Variants in PITPNM2 observed in about 807,000 individuals in gnomAD.
PITPNM2 encodes membrane-associated phosphatidylinositol transfer protein 2.
In PITPNM2, 35 loss-of-function variants were observed where a neutral mutation model predicts 132.2. The observed-to-expected ratio is 0.26, with a 90% CI of 0.20 to 0.35. The LOEUF is 0.35. Ranked by LOEUF, PITPNM2 falls within the 10% of genes least tolerant of loss-of-function variation. The probability of loss-of-function intolerance (pLI) is 1.00; values close to 1 mark genes in which losing one functional copy is unlikely to be tolerated. For missense variants in PITPNM2, 1,332 were observed against 1,912.0 expected (o/e 0.70, Z 5.66); for synonymous variants, 738 against 799.2 (o/e 0.92, Z 1.29).
chr12:123,143,108 C>A (rs898813931), intron 1 of PITPNM2, among the ~76,000 whole-genome samples: 1 of 151,864 alleles, frequency 6.6e-6, no homozygotes, highest in Non-Finnish European at 1.5e-5. Flanking sequence ...CCCTGACACA[C>A]CCATCCCTAT....
rs1044577973 is a variant in PITPNM2, at chr12:123,097,319, A to C, written c.-96+13066T>G. On this transcript the variant is annotated intron_variant, in intron 2 of 25. Transcript: ENST00000320201. The surrounding 1 kb of genome is among the most constrained non-coding windows in gnomAD (Gnocchi z 4.7). Reference sequence around the variant, plus strand: ...TGGCCTCCCAAAGTGCTGGGATTACAGGCATGAGCCACCGCGCCCGGCCTG... The same window carrying C: ...TGGCCTCCCAAAGTGCTGGGATTACCGGCATGAGCCACCGCGCCCGGCCTG... 1.1e-4 allele frequency among the ~76,000 whole-genome samples: 17 copies of C among 152,322 alleles called. No individual in the cohort carries two copies. The highest frequency in any genetic ancestry group is 4.1e-4 in the African/African-American group (17 of 41,574).
chr12:123,114,161 A>G (rs554032726), intron 1 of PITPNM2, among the ~76,000 whole-genome samples: 4 of 152,256 alleles, frequency 2.6e-5, no homozygotes, highest in South Asian at 4.2e-4. Context: ...ACATCGCTGT[A>G]CAAATTTTTG....
In PITPNM2 at chr12:123,130,563, G is replaced by A. The variant is rs544466686; in HGVS notation, c.-199-20075C>T. Among the ~76,000 whole-genome samples, 19 of 152,192 alleles carry A rather than the reference G, an allele frequency of 1.2e-4. No individual in the cohort carries two copies. The South Asian group carries it at 2.5e-3, about 20-fold the overall frequency. ...TGGGAGGCCGAGGCGGGCGGATCAC[G>A]AGGTCAGGAGATCAAGACCATCCTG... On this transcript the variant is annotated intron_variant, in intron 1 of 25. Transcript: ENST00000320201.
intron 2 of PITPNM2, among the ~76,000 whole-genome samples, chr12:123,053,815 G>C (rs1024127442): frequency 6.6e-6 from 1 of 151,834 alleles, no homozygotes; most frequent in African/African-American, 2.4e-5. Flanking sequence ...TGATCTGCCC[G>C]CCTCAGCCTC....
At chr12:123,067,924 C>T (rs1015355416) in intron 2 of PITPNM2, among the ~76,000 whole-genome samples, 82 of 152,286 alleles carry the variant, frequency 5.4e-4, no homozygotes, top group African/African-American at 1.9e-3. Context: ...CTGGGCAGGA[C>T]TGAGGCAGCC....
At chr12:122,995,894 C>G (rs1213128284) in intron 13 of PITPNM2, among the ~76,000 whole-genome samples, 1 of 152,206 alleles carries the variant, frequency 6.6e-6, no homozygotes, top group African/African-American at 2.4e-5. Context: ...GGCAGGGAAG[C>G]AGAGAGGGGT....
intron 1 of PITPNM2, among the ~76,000 whole-genome samples, chr12:123,134,135 G>T (rs1475542961): frequency 6.6e-6 from 1 of 152,030 alleles, no homozygotes; most frequent in Non-Finnish European, 1.5e-5. Flanking sequence ...GCGTGATCTT[G>T]GCTCACTGCA....
chr12:123,051,252 C>T (rs535178899), intron 2 of PITPNM2, among the ~76,000 whole-genome samples: 3 of 152,338 alleles, frequency 2.0e-5, no homozygotes, highest in African/African-American at 7.2e-5. Context: ...AGCCACTTGA[C>T]TGGCTGGGCT....
Position 123,099,097 on chromosome 12 carries a change from G to C in PITPNM2, c.-96+11288C>G, listed in dbSNP as rs541093311. Among the ~76,000 whole-genome samples the C allele has an allele frequency of 6.6e-6, 1 of 152,120 alleles. No individual in the cohort carries two copies. The highest frequency in any genetic ancestry group is 1.9e-4 in the East Asian group (1 of 5,184). On this transcript the variant is annotated intron_variant, in intron 2 of 25. Transcript: ENST00000320201. The surrounding 1 kb of genome is among the most constrained non-coding windows in gnomAD (Gnocchi z 4.2). ...GTGCATGTGCTATGCATTCTAACAT[G>C]TGTCTATACCCCCATCCCAGGGGCT...
intron 2 of PITPNM2, among the ~76,000 whole-genome samples, chr12:123,047,365 TGATCTAGGAA>T (rs1566265886): frequency 6.6e-6 from 1 of 152,228 alleles, no homozygotes; most frequent in East Asian, 1.9e-4. Flanking sequence ...TGTTCTTAAA[TGATCTAGGAA>T]ATAAAGGTTG....
chr12:122,989,730 G>C, intron 18 of PITPNM2, 57 bp downstream of exon 18: 3 of 1,328,944 alleles, frequency 2.3e-6, no homozygotes, highest in Non-Finnish European at 2.9e-6. Context: ...GCCTGGCAGT[G>C]AGGGGTGCTC....
chr12:123,139,041 G>A (rs940359391), intron 1 of PITPNM2, among the ~76,000 whole-genome samples: 18 of 152,140 alleles, frequency 1.2e-4, no homozygotes, highest in African/African-American at 3.1e-4. Context: ...GGGAGGCTGA[G>A]GCAGGAGGAT....
In PITPNM2 at chr12:122,988,367, G is replaced by T; in HGVS notation, c.2881-17C>A. 6.2e-7 allele frequency: 1 copy of T among 1,607,898 alleles called. No individual in the cohort carries two copies. ...CCTCATGACCTGGGAAGAGGGGACA[G>T]TGCAGGCTGTGGGGCAGATGCCACC... On this transcript the variant is annotated splice_polypyrimidine_tract_variant and intron_variant, in intron 19 of 25. Coordinates refer to ENST00000320201, the MANE Select transcript of PITPNM2 (RefSeq NM_020845.3).
At chr12:122,997,009 G>T in intron 11 of PITPNM2, 99 bp from the exon 12 acceptor site, 2 of 1,213,818 alleles carry the variant, frequency 1.6e-6, no homozygotes, top group Non-Finnish European at 2.3e-6. Context: ...CTCAGCATAC[G>T]CTAGTGAGGA....
intron 3 of PITPNM2, among the ~76,000 whole-genome samples, chr12:123,021,155 G>A (rs750002404): frequency 8.6e-5 from 13 of 151,370 alleles, no homozygotes; most frequent in East Asian, 3.9e-4. Flanking sequence ...ATGCCCCTGC[G>A]CAGCCACCCA....
At chr12:123,120,069 C>A (rs2043006990) in intron 1 of PITPNM2, among the ~76,000 whole-genome samples, 1 of 152,178 alleles carries the variant, frequency 6.6e-6, no homozygotes, top group South Asian at 2.1e-4. Flanking sequence ...GGTTTTGCTG[C>A]ATAGCCGACA....
At position 123,117,351 on chromosome 12, in the gene PITPNM2, C is replaced by CTCTA. The variant is rs10641848; in HGVS notation, c.-199-6867_-199-6864dup. Among the ~76,000 whole-genome samples the CTCTA allele has an allele frequency of 0.08, 12,131 of 152,152 alleles. 1,570 individuals carry two copies. The highest frequency in any genetic ancestry group is 0.27 in the African/African-American group (11,314 of 41,420). ...CAAGCTGTCACTTAATTACACGACT[C>CTCTA]TCTATCTGTGCAGAGCAGGGGTTTG... On this transcript the variant is annotated intron_variant, in intron 1 of 25. Coordinates refer to ENST00000320201, the MANE Select transcript of PITPNM2 (RefSeq NM_020845.3). The surrounding 1 kb of genome is among the most constrained non-coding windows in gnomAD (Gnocchi z 4.7).
chr12:123,126,243 C>A (rs2043139637), intron 1 of PITPNM2, among the ~76,000 whole-genome samples: 1 of 152,020 alleles, frequency 6.6e-6, no homozygotes, highest in South Asian at 2.1e-4. Context: ...CCAAGCAGAC[C>A]CTTCAGTGAG....
At chr12:123,132,559 A>G (rs190706267) in intron 1 of PITPNM2, among the ~76,000 whole-genome samples, 2 of 151,052 alleles carry the variant, frequency 1.3e-5, no homozygotes, top group Non-Finnish European at 2.9e-5. Flanking sequence ...TTATAAGTGT[A>G]AAATTTAGTG....
Sources: allele counts gnomAD v4.1 joint callset (sites outside exome capture counted in the v4.1 genomes callset), GRCh38; gene constraint gnomAD v4.1.1; non-coding constraint Gnocchi (gnomAD v3.1); transcripts MANE v1.5; gene names NCBI Gene and HGNC (gene_info 2026-07-23, HGNC 2026-07-21).